LAMC1: variants seen among roughly 807,000 people sequenced by gnomAD.
LAMC1 encodes laminin subunit gamma-1.
In LAMC1, 38 loss-of-function variants were observed where a neutral mutation model predicts 173.6. That is an observed-to-expected ratio of 0.22 (90% CI 0.17 to 0.29). The LOEUF (loss-of-function observed/expected upper bound fraction) is 0.29, where lower values mean the gene tolerates loss of function less well. LAMC1 is among the 10% of genes least tolerant of loss of function. The pLI, the probability that LAMC1 is intolerant of heterozygous loss-of-function variation, is 1.00. For missense variants in LAMC1, 1,824 were observed against 2,051.8 expected (o/e 0.89, Z 2.14); for synonymous variants, 746 against 749.1 (o/e 1.00, Z 0.07).
At position 183,144,797 on chromosome 1, in the gene LAMC1, AG is replaced by A. The variant is rs1293632147; in HGVS notation, c.*2009del. ...ATTTTGACTGAGCACTTAGGGCATC[AG>A]GAACAGTGCTACTTACTGATGGGTA... On this transcript the variant is annotated 3_prime_UTR_variant, in exon 28 of 28. Coordinates refer to ENST00000258341, the MANE Select transcript of LAMC1 (RefSeq NM_002293.4). 2 of 152,262 alleles carry A rather than the reference AG, an allele frequency of 1.3e-5. No homozygotes were observed. Among genetic ancestry groups the A allele is most frequent in the African/African-American group, 4.8e-5 (2 of 41,448 alleles). The allele number at this position is 152,262 out of a possible 1,614,324, so 9.4% of individuals were successfully genotyped here.
intron 1 of LAMC1, among the ~76,000 whole-genome samples, chr1:183,025,323 G>T (rs1653658181): frequency 8.7e-6 from 1 of 114,628 alleles, no homozygotes; most frequent in Non-Finnish European, 2.0e-5. Context: ...TCCAGAGAAA[G>T]AATTGGACTT....
intron 26 of LAMC1, among the ~76,000 whole-genome samples, 159 bp from the exon 27 acceptor site, chr1:183,140,245 C>CAAAAAGAAAAA (rs1657070512): frequency 1.9e-5 from 1 of 52,936 alleles, no homozygotes; most frequent in Non-Finnish European, 3.4e-5. Context: ...GCAGCCCCAC[C>CAAAAAGAAAAA]AAAAAAAAAA....
intron 1 of LAMC1, among the ~76,000 whole-genome samples, chr1:183,031,906 A>C (rs957784625): frequency 2.0e-5 from 3 of 151,752 alleles, no homozygotes; most frequent in Non-Finnish European, 2.9e-5. Context: ...GAATAAAATA[A>C]TTTAAAAATA....
At chr1:183,089,879 T>C (rs10911237) in intron 1 of LAMC1, among the ~76,000 whole-genome samples, 15,841 of 152,216 alleles carry the variant, frequency 0.1, 1,024 homozygotes, top group Admixed American at 0.2. Flanking sequence ...AGAATGGAGT[T>C]GCTCATGCTA....
chr1:183,124,525 C>T lies in LAMC1; in HGVS notation c.2402-106C>T, dbSNP rs1571457003. On this transcript the variant is annotated intron_variant, in intron 13 of 27. Coordinates refer to ENST00000258341, the MANE Select transcript of LAMC1 (RefSeq NM_002293.4). Reference sequence around the variant, plus strand: ...TCCTCTGCCCTCCACTGCACCATGTCTTCTCTCATGTGATGATTACACTAG... The same window carrying T: ...TCCTCTGCCCTCCACTGCACCATGTTTTCTCTCATGTGATGATTACACTAG... 5 of 1,379,586 alleles carry T rather than the reference C, an allele frequency of 3.6e-6. No homozygotes were observed. The East Asian group carries it at 1.1e-4, about 32-fold the overall frequency. 85.5% of individuals were successfully genotyped at this position (1,379,586 alleles called of 1,614,324 possible).
Position 183,023,827 on chromosome 1 carries a change from G to A in LAMC1, c.111G>A (p.Met37Ile), listed in dbSNP as rs1216194448. 1 of 1,589,556 alleles carries A rather than the reference G, an allele frequency of 6.3e-7. No homozygotes were observed. Among genetic ancestry groups the A allele is most frequent in the South Asian group, 1.1e-5 (1 of 87,130 alleles). ...CGGCGGGCTGTGCCCAGGCAGCCAT[G>A]GACGAGTGCACGGACGAGGGCGGGC... ...AAAAGCAQAAMDECTDEGGRP... is the reference protein window; with the variant it reads ...AAAAGCAQAAIDECTDEGGRP... Residue 37 changes from methionine (M) to isoleucine (I), a missense_variant, in exon 1 of 28, where the codon ATG becomes ATA. Physicochemically the swap from Met to Ile is conservative, Grantham distance 10 (BLOSUM62 1). Coordinates refer to ENST00000258341, the MANE Select transcript of LAMC1 (RefSeq NM_002293.4).
chr1:183,125,070 G>A (rs907734596), intron 14 of LAMC1, 194 bp downstream of exon 14: 5 of 663,564 alleles, frequency 7.5e-6, no homozygotes, highest in Non-Finnish European at 1.2e-5. Flanking sequence ...TGACACCTGT[G>A]GTCCTGTAAA....
intron 8 of LAMC1, 24 bp downstream of exon 8, chr1:183,116,927 C>A: frequency 6.3e-7 from 1 of 1,589,020 alleles, no homozygotes; most frequent in Non-Finnish European, 8.6e-7. Context: ...CATCCCCCAA[C>A]CTGTTAGAAC....
chr1:183,124,452 T>C (rs1656566438), intron 13 of LAMC1, among the ~76,000 whole-genome samples, 179 bp from the exon 14 acceptor site: 1 of 152,206 alleles, frequency 6.6e-6, no homozygotes, highest in East Asian at 1.9e-4. Flanking sequence ...AGAGATGTGC[T>C]CAAGGTCACT....
chr1:183,128,794 A>G, intron 18 of LAMC1, 44 bp downstream of exon 18: 1 of 1,473,600 alleles, frequency 6.8e-7, no homozygotes, highest in South Asian at 1.5e-5. Context: ...AGATGGACCA[A>G]TCTTTAGATG....
chr1:183,039,679 G>A (rs1277296078), intron 1 of LAMC1, among the ~76,000 whole-genome samples: 2 of 152,152 alleles, frequency 1.3e-5, no homozygotes, highest in African/African-American at 4.8e-5. Context: ...TCAGGTTTGG[G>A]TTTTAAACAT....
intron 1 of LAMC1, among the ~76,000 whole-genome samples, chr1:183,053,395 C>T (rs1654487110): frequency 6.8e-6 from 1 of 146,454 alleles, no homozygotes; most frequent in Non-Finnish European, 1.5e-5. Context: ...TAAAAATGCT[C>T]ATCTGGATCT....
In LAMC1 at chr1:183,081,535, G is replaced by A. The variant is rs528811914; in HGVS notation, c.419-21793G>A. 5.3e-5 allele frequency among the ~76,000 whole-genome samples: 8 copies of A among 150,972 alleles called. No individual in the cohort carries two copies. In the South Asian group the frequency reaches 8.4e-4, roughly 16 times the overall value. ...TACACTCCAGCCTGGGCAACAGAGC[G>A]AGACTCCGCCTCAAAAATAAATAAA... On this transcript the variant is annotated intron_variant, in intron 1 of 27. Transcript: ENST00000258341.
intron 19 of LAMC1, among the ~76,000 whole-genome samples, chr1:183,131,086 A>G (rs1656771229): frequency 6.7e-6 from 1 of 150,174 alleles, no homozygotes; most frequent in African/African-American, 2.4e-5. Flanking sequence ...AGGCAGGAGA[A>G]CCACTTGAAC....
In LAMC1 at chr1:183,144,866, TC is replaced by T. The variant is rs1657213653; in HGVS notation, c.*2078del. On this transcript the variant is annotated 3_prime_UTR_variant, in exon 28 of 28. Coordinates refer to ENST00000258341, the MANE Select transcript of LAMC1 (RefSeq NM_002293.4). Reference sequence around the variant, plus strand: ...TAACTTAGTTCTTGATGATCCCACTTCCTGTTTCCATCTGCTTGGGATATAC... The same window carrying T: ...TAACTTAGTTCTTGATGATCCCACTTCTGTTTCCATCTGCTTGGGATATAC... The T allele has an allele frequency of 6.6e-6, 1 of 152,210 alleles. No homozygotes were observed. 9.4% of individuals were successfully genotyped at this position (152,210 alleles called of 1,614,324 possible). A position where few individuals can be genotyped will look rare whatever the true frequency, so the allele number is the denominator to read the frequency against.
At chr1:183,026,342 A>G (rs1394132031) in intron 1 of LAMC1, among the ~76,000 whole-genome samples, 1 of 152,122 alleles carries the variant, frequency 6.6e-6, no homozygotes, top group Non-Finnish European at 1.5e-5. Context: ...AATCATGCAT[A>G]GTGGAGGAGG....
chr1:183,066,563 C>T (rs1392067057), intron 1 of LAMC1, among the ~76,000 whole-genome samples: 2 of 152,188 alleles, frequency 1.3e-5, no homozygotes, highest in Non-Finnish European at 2.9e-5. Context: ...CCCAAATGTC[C>T]GTCAGTGATA....
chr1:183,137,752 G>A lies in LAMC1; in HGVS notation c.4398G>A (p.Lys1466=), dbSNP rs1230567024. 6.2e-7 allele frequency: 1 copy of A among 1,612,106 alleles called. No homozygotes were observed. Among genetic ancestry groups the A allele is most frequent in the East Asian group, 2.2e-5 (1 of 44,770 alleles). ...ATAATGAGGTGAACAATATGTTGAA[G>A]CAACTGCAGGAAGCAGAAAAAGAGC... ...DLDNEVNNML[K]QLQEAEKELK... is the part of the protein sequence containing the mutation. The change falls in exon 26 of 28, where the codon AAG becomes AAA. Residue 1466 remains lysine (K), a synonymous_variant. Coordinates refer to ENST00000258341, the MANE Select transcript of LAMC1 (RefSeq NM_002293.4).
chr1:183,145,033 A>C lies in LAMC1; in HGVS notation c.*2243A>C, dbSNP rs1264266771. ...CATTGTTTCCTGGCTAGTTCATTTCATTAAGTGGCTACATCCTAACATATG... is the reference window on the plus strand; with the variant it reads ...CATTGTTTCCTGGCTAGTTCATTTCCTTAAGTGGCTACATCCTAACATATG... On this transcript the variant is annotated 3_prime_UTR_variant, in exon 28 of 28. Transcript: ENST00000258341. 6.6e-6 allele frequency: 1 copy of C among 152,122 alleles called. No individual in the cohort carries two copies. 9.4% of individuals were successfully genotyped at this position (152,122 alleles called of 1,614,324 possible). A position where few individuals can be genotyped will look rare whatever the true frequency, so the allele number is the denominator to read the frequency against.
Sources: gnomAD v4.1 joint callset for allele counts (sites outside exome capture counted in the v4.1 genomes callset) on GRCh38, gnomAD v4.1.1 for gene constraint, MANE v1.5 for transcripts, NCBI Gene and HGNC (gene_info 2026-07-23, HGNC 2026-07-21) for gene names.